The following PRKCA variants were observed in gnomAD, a reference collection of about 807,000 sequenced individuals.
The protein encoded by PRKCA is protein kinase C alpha.
A neutral mutation model predicts 87.0 loss-of-function variants in PRKCA; 27 were observed. That is an observed-to-expected ratio of 0.31 (90% CI 0.23 to 0.43). PRKCA has a LOEUF of 0.43. Among genes scored for constraint, PRKCA ranks in the 20% least tolerant of loss-of-function variants. PRKCA has a pLI of 1.00. For synonymous variants in PRKCA, 329 were observed against 311.1 expected (o/e 1.06, Z -0.61); for missense variants, 518 against 852.3 (o/e 0.61, Z 4.88).
In PRKCA at chr17:66,706,863, G is replaced by A. The variant is rs148685648; in HGVS notation, c.918+17816G>A. ...ACTGCATGGGCCTCAAAGCCTAAAT[G>A]TATGCCCTCTGGTCCTTTACATAAA... On this transcript the variant is annotated intron_variant, in intron 8 of 16. Coordinates refer to ENST00000413366, the MANE Select transcript of PRKCA (RefSeq NM_002737.3). 3.6e-4 allele frequency among the ~76,000 whole-genome samples: 55 copies of A among 152,316 alleles called. No homozygotes were observed. In the East Asian group the frequency reaches 8.1e-3, roughly 22 times the overall value.
chr17:66,548,808 GT>G (rs10543010), intron 3 of PRKCA, among the ~76,000 whole-genome samples: 71,524 of 147,530 alleles, frequency 0.48, 17,659 homozygotes, highest in African/African-American at 0.61. Flanking sequence ...GTTTCGGCAA[GT>G]TTTTTTTTTT....
At chr17:66,721,313 C>T (rs541543671) in intron 8 of PRKCA, among the ~76,000 whole-genome samples, 44 of 149,324 alleles carry the variant, frequency 2.9e-4, no homozygotes, top group Admixed American at 1.7e-3. Flanking sequence ...AGGAGAATGG[C>T]GTGTATCCGG....
chr17:66,800,636 A>C (rs1388348129), intron 16 of PRKCA, among the ~76,000 whole-genome samples: 1 of 152,194 alleles, frequency 6.6e-6, no homozygotes, highest in Non-Finnish European at 1.5e-5. Context: ...TGGCTTTTGG[A>C]AACGTCCCAT....
intron 3 of PRKCA, among the ~76,000 whole-genome samples, chr17:66,532,168 A>C (rs2143042858): frequency 6.6e-6 from 1 of 151,770 alleles, no homozygotes; most frequent in South Asian, 2.1e-4. Flanking sequence ...AAAAAAAAAA[A>C]AGAACAACCT....
intron 3 of PRKCA, among the ~76,000 whole-genome samples, chr17:66,574,364 C>G (rs1279443838): frequency 2.0e-5 from 3 of 152,204 alleles, no homozygotes; most frequent in South Asian, 4.2e-4. Context: ...CACTTAACCT[C>G]TAACCCTCAG....
intron 8 of PRKCA, among the ~76,000 whole-genome samples, chr17:66,719,486 T>C (rs1262549086): frequency 1.3e-5 from 2 of 152,228 alleles, no homozygotes; most frequent in Non-Finnish European, 2.9e-5. Context: ...TTTAGATGTT[T>C]TAGGCCAGCC....
intron 13 of PRKCA, among the ~76,000 whole-genome samples, chr17:66,762,848 G>A (rs1222472385): frequency 6.6e-6 from 1 of 152,150 alleles, no homozygotes; most frequent in Non-Finnish European, 1.5e-5. Flanking sequence ...AGGCCGGAGT[G>A]CAGTGCATCA....
intron 2 of PRKCA, among the ~76,000 whole-genome samples, chr17:66,402,855 A>G (rs569726719): frequency 6.6e-6 from 1 of 152,238 alleles, no homozygotes; most frequent in Non-Finnish European, 1.5e-5. Flanking sequence ...TTTTTAAATG[A>G]AGATGAAAAG....
chr17:66,662,418 C>G (rs937230209), intron 5 of PRKCA, among the ~76,000 whole-genome samples: 1 of 152,152 alleles, frequency 6.6e-6, no homozygotes, highest in Non-Finnish European at 1.5e-5. Flanking sequence ...CGCCATGGCT[C>G]AGCGGCACCC....
chr17:66,509,393 G>A (rs1027833835), intron 3 of PRKCA, among the ~76,000 whole-genome samples: 1 of 152,056 alleles, frequency 6.6e-6, no homozygotes, highest in Admixed American at 6.6e-5. Context: ...TCAAAGGCAG[G>A]CAAGCTTAAG....
intron 2 of PRKCA, among the ~76,000 whole-genome samples, chr17:66,369,173 A>G (rs1908944605): frequency 6.6e-6 from 1 of 152,248 alleles, no homozygotes. Context: ...GGGAAGGCCC[A>G]GGTAAAACCT....
chr17:66,352,558 GTT>G (rs56317931), intron 2 of PRKCA, among the ~76,000 whole-genome samples: 6 of 83,756 alleles, frequency 7.2e-5, no homozygotes, highest in Admixed American at 2.0e-4. Context: ...GTTTTTTGAG[GTT>G]TTTTTTTTTT....
chr17:66,743,691 A>G (rs1244358382), intron 13 of PRKCA, among the ~76,000 whole-genome samples: 1 of 152,148 alleles, frequency 6.6e-6, no homozygotes, highest in Admixed American at 6.5e-5. Flanking sequence ...GTTTTTTCCC[A>G]TCTGTACCCA....
At chr17:66,320,841 A>G (rs1905613559) in intron 2 of PRKCA, among the ~76,000 whole-genome samples, 1 of 152,226 alleles carries the variant, frequency 6.6e-6, no homozygotes, top group Non-Finnish European at 1.5e-5. Context: ...TAGTTAATCT[A>G]CAAATGTACA....
At chr17:66,367,423 G>A (rs1427599955) in intron 2 of PRKCA, among the ~76,000 whole-genome samples, 1 of 152,214 alleles carries the variant, frequency 6.6e-6, no homozygotes, top group African/African-American at 2.4e-5. Context: ...AGTGACAGAG[G>A]TGAGAGAGGT....
At chr17:66,745,138 G>A (rs1332641955) in intron 13 of PRKCA, among the ~76,000 whole-genome samples, 9 of 152,210 alleles carry the variant, frequency 5.9e-5, no homozygotes, top group Admixed American at 5.9e-4. Context: ...ATCTGTTGGG[G>A]AGAGGGGACT....
chr17:66,781,042 G>C (rs1234868639), intron 14 of PRKCA, among the ~76,000 whole-genome samples: 1 of 151,990 alleles, frequency 6.6e-6, no homozygotes, highest in East Asian at 1.9e-4. Flanking sequence ...CCAGGAGGCA[G>C]AGGCTTCAGT....
At chr17:66,392,118 T>C (rs1408406883) in intron 2 of PRKCA, among the ~76,000 whole-genome samples, 6 of 151,716 alleles carry the variant, frequency 4.0e-5, no homozygotes, top group Admixed American at 3.9e-4. Context: ...TAGTCCCAGC[T>C]ACGCAGGAGG....
intron 3 of PRKCA, among the ~76,000 whole-genome samples, chr17:66,535,096 G>A (rs971407698): frequency 5.9e-5 from 9 of 152,268 alleles, no homozygotes; most frequent in South Asian, 2.1e-4. Context: ...CTGAGACTGC[G>A]CTGTTACCAT....
Sources: allele counts gnomAD v4.1 joint callset (sites outside exome capture counted in the v4.1 genomes callset), GRCh38; gene constraint gnomAD v4.1.1; transcripts MANE v1.5; gene names NCBI Gene and HGNC (gene_info 2026-07-23, HGNC 2026-07-21).